Variants in ADGRF4 observed in about 807,000 individuals in gnomAD.
ADGRF4 encodes the protein G-protein coupled receptor PGR18.
In ADGRF4, 63 loss-of-function variants were observed where a neutral mutation model predicts 58.5. The ratio of observed to expected loss-of-function variants is 1.08; its 90% CI spans 0.88 to 1.33. The LOEUF is 1.33. ADGRF4 is among the 40% of genes most tolerant of loss of function. The probability of loss-of-function intolerance (pLI) is 0.00; values close to 1 mark genes in which losing one functional copy is unlikely to be tolerated. For synonymous variants in ADGRF4, 313 were observed against 295.4 expected (o/e 1.06, Z -0.61); for missense variants, 931 against 843.9 (o/e 1.10, Z -1.28).
chr6:47,711,709 T>C (rs1771877161), intron 4 of ADGRF4, among the ~76,000 whole-genome samples: 1 of 152,200 alleles, frequency 6.6e-6, no homozygotes, highest in East Asian at 1.9e-4. Flanking sequence ...ACTATTTTCT[T>C]CTACCTCCCC....
At chr6:47,699,216 TA>T (rs976793752) in intron 1 of ADGRF4, among the ~76,000 whole-genome samples, 11 of 152,346 alleles carry the variant, frequency 7.2e-5, no homozygotes, top group African/African-American at 2.6e-4. Flanking sequence ...TGTATCAATT[TA>T]AAAAAACATT....
At chr6:47,711,475 A>G (rs1039966923) in intron 4 of ADGRF4, among the ~76,000 whole-genome samples, 6 of 152,102 alleles carry the variant, frequency 3.9e-5, no homozygotes, top group Admixed American at 2.6e-4. Flanking sequence ...ATTGGCCAGG[A>G]TGGTCTTGAT....
At chr6:47,718,118 G>A (rs768922706) in intron 8 of ADGRF4, among the ~76,000 whole-genome samples, 4 of 152,018 alleles carry the variant, frequency 2.6e-5, no homozygotes, top group Non-Finnish European at 5.9e-5. Context: ...GTCTTTTAAC[G>A]TTTCTGAAAT....
chr6:47,714,201 T>C lies in ADGRF4; in HGVS notation c.956T>C (p.Leu319Pro). ...AGTCTTCCCAGACAGGTAAATGGTC[T>C]GGTGCTATCAGTGGTTTTACCAGAA... is the stretch of plus-strand genomic sequence containing the variant. ...NVSLPRQVNG[L>P]VLSVVLPERL... Residue 319 changes from leucine to proline, a missense_variant, in exon 6 of 10, where the codon CTG (leucine) becomes CCG (proline). Leu to Pro is a moderately conservative substitution (Grantham distance 98, BLOSUM62 -3). Coordinates refer to ENST00000283303, the MANE Select transcript of ADGRF4 (RefSeq NM_153838.5). 1 of 1,614,164 alleles carries C rather than the reference T, an allele frequency of 6.2e-7. No homozygotes were observed.
At position 47,716,844 on chromosome 6, in the gene ADGRF4, C is replaced by A; in HGVS notation, c.1971C>A (p.His657Gln). Residue 657 changes from histidine to glutamine, a missense_variant, in exon 7 of 10, where the codon CAC becomes CAA. His to Gln is a conservative substitution (Grantham distance 24, BLOSUM62 0). Coordinates refer to ENST00000283303, the MANE Select transcript of ADGRF4 (RefSeq NM_153838.5). The stretch of plus-strand genomic sequence containing the variant: ...TGCTGTTTGGAACCATTATGGATCA[C>A]AAGGTAATTTGAATTTGCTTCCTCC... ...FILLFGTIMD[H>Q]KIRDALRMRM... The A allele has an allele frequency of 6.3e-7, 1 of 1,595,256 alleles. No homozygotes were observed. The highest frequency in any genetic ancestry group is 1.1e-5 in the South Asian group (1 of 87,918).
At position 47,716,839 on chromosome 6, in the gene ADGRF4, G is replaced by A; in HGVS notation, c.1966G>A (p.Asp656Asn). 1 of 1,599,142 alleles carries A rather than the reference G, an allele frequency of 6.3e-7. No homozygotes were observed. Among genetic ancestry groups the A allele is most frequent in the Non-Finnish European group, 8.5e-7 (1 of 1,171,976 alleles). ...CATCCTGCTGTTTGGAACCATTATG[G>A]ATCACAAGGTAATTTGAATTTGCTT... ...FFILLFGTIM[D>N]HKIRDALRMR... is the part of the protein sequence containing the mutation. The change falls in exon 7 of 10, where the codon GAT becomes AAT. Residue 656 changes from aspartate to asparagine, a missense_variant. Asp to Asn is a conservative substitution (Grantham distance 23). Transcript: ENST00000283303.
At position 47,715,176 on chromosome 6, in the gene ADGRF4, A is replaced by T; in HGVS notation, c.1931A>T (p.Gln644Leu). The change falls in exon 6 of 10, where the codon CAG becomes CTG. Residue 644 changes from glutamine (Q) to leucine (L), a missense_variant and splice_region_variant. Transcript: ENST00000283303. ...HIIFALLNAF[Q>L]GFFILLFGTI... ...ATTTTTGCCTTGCTCAATGCTTTCC[A>T]GGTAAGTTCCAAGAGGGAGACTTTT... The T allele has an allele frequency of 3.2e-6, 5 of 1,572,320 alleles. No homozygotes were observed. The highest frequency in any genetic ancestry group is 4.3e-6 in the Non-Finnish European group (5 of 1,152,230).
chr6:47,701,706 A>G (rs1216615259), intron 1 of ADGRF4, among the ~76,000 whole-genome samples: 1 of 152,246 alleles, frequency 6.6e-6, no homozygotes, highest in Admixed American at 6.5e-5. Flanking sequence ...GACGGGCATT[A>G]GGTAGATGCC....
At position 47,710,818 on chromosome 6, in the gene ADGRF4, TG is replaced by T; in HGVS notation, c.233del (p.Cys78LeufsTer33). On this transcript the variant is annotated frameshift_variant, in exon 4 of 10. Coordinates refer to ENST00000283303, the MANE Select transcript of ADGRF4 (RefSeq NM_153838.5). LOFTEE classifies it high-confidence loss of function. Reference protein sequence around the residue: ...KDFHGEIGFTCNQKKWQKSAE... With the variant: ...KDFHGEIGFTXNQKKWQKSAE... Reference sequence around the variant, plus strand: ...CTTTCATGGAGAAATAGGATTTACATGTAATCAAAAAAAGTGGCAAAAATCA... The same window carrying T: ...CTTTCATGGAGAAATAGGATTTACATTAATCAAAAAAAGTGGCAAAAATCA... 1 of 1,613,958 alleles carries T rather than the reference TG, an allele frequency of 6.2e-7. No individual in the cohort carries two copies. The highest frequency in any genetic ancestry group is 8.5e-7 in the Non-Finnish European group (1 of 1,179,886).
At chr6:47,719,296 C>G (rs1772103685) in intron 9 of ADGRF4, among the ~76,000 whole-genome samples, 1 of 152,112 alleles carries the variant, frequency 6.6e-6, no homozygotes, top group African/African-American at 2.4e-5. Flanking sequence ...TACTGACATA[C>G]AGTCGCAGGG....
At chr6:47,699,943 C>CA (rs1771553800) in intron 1 of ADGRF4, among the ~76,000 whole-genome samples, 1 of 149,262 alleles carries the variant, frequency 6.7e-6, no homozygotes, top group African/African-American at 2.5e-5. Context: ...ACCCCCCCCC[C>CA]CAAAATGTGG....
At chr6:47,708,862 GAA>G (rs1771790878) in intron 3 of ADGRF4, among the ~76,000 whole-genome samples, 1 of 152,182 alleles carries the variant, frequency 6.6e-6, no homozygotes, top group Admixed American at 6.5e-5. Context: ...AAGTCAGAAA[GAA>G]AAGCAGAGAG....
chr6:47,702,990 T>C (rs144846633), intron 1 of ADGRF4, among the ~76,000 whole-genome samples: 2,279 of 152,330 alleles, frequency 0.015, 29 homozygotes, highest in Non-Finnish European at 0.024. Context: ...TTTGCTTATA[T>C]CCATCTGGAC....
At chr6:47,708,149 T>C (rs944704797) in intron 2 of ADGRF4, 75 bp from the exon 3 acceptor site, 1 of 1,082,368 alleles carries the variant, frequency 9.2e-7, no homozygotes, top group South Asian at 1.3e-5. Flanking sequence ...TTCATATTCA[T>C]ATGGAGCCTC....
chr6:47,707,081 A>G, intron 1 of ADGRF4, 149 bp from the exon 2 acceptor site: 1 of 588,388 alleles, frequency 1.7e-6, no homozygotes, highest in Non-Finnish European at 3.1e-6. Context: ...GAAAATAGAT[A>G]TTGGTGTGCT....
At chr6:47,716,749 C>G (rs1772028554) in intron 6 of ADGRF4, 57 bp from the exon 7 acceptor site, 2 of 1,291,072 alleles carry the variant, frequency 1.5e-6, no homozygotes, top group African/African-American at 2.9e-5. Context: ...ATGAAAATAA[C>G]AGCAGGAATA....
intron 1 of ADGRF4, among the ~76,000 whole-genome samples, chr6:47,699,933 A>ACCC (rs35874700): frequency 7.4e-6 from 1 of 135,630 alleles, no homozygotes; most frequent in African/African-American, 2.8e-5. Flanking sequence ...CAGACGACAC[A>ACCC]CCCCCCCCCC....
chr6:47,701,920 G>T (rs9395312), intron 1 of ADGRF4, among the ~76,000 whole-genome samples: 49,543 of 152,068 alleles, frequency 0.33, 8,877 homozygotes, highest in Middle Eastern at 0.52. Context: ...TGCAACCTCT[G>T]CCTCCCAGGT....
intron 1 of ADGRF4, among the ~76,000 whole-genome samples, chr6:47,706,030 T>A (rs574667726): frequency 2.6e-5 from 4 of 152,220 alleles, no homozygotes; most frequent in Non-Finnish European, 5.9e-5. Flanking sequence ...CTACATTTTA[T>A]GAAATGGATG....
Sources: allele counts gnomAD v4.1 joint callset (sites outside exome capture counted in the v4.1 genomes callset), GRCh38; gene constraint gnomAD v4.1.1; transcripts MANE v1.5; gene names NCBI Gene and HGNC (gene_info 2026-07-23, HGNC 2026-07-21).